The following SAMM50 variants were observed in gnomAD, a reference collection of about 807,000 sequenced individuals.
SAMM50 encodes the protein SAMM50 sorting and assembly machinery component, also known as sorting and assembly machinery component 50 homolog.
In SAMM50, 47 loss-of-function variants were observed where a neutral mutation model predicts 66.9. The ratio of observed to expected loss-of-function variants is 0.70; its 90% CI spans 0.56 to 0.90. SAMM50 has a LOEUF of 0.90. Among genes scored for constraint, SAMM50 ranks in the 40% least tolerant of loss-of-function variants. The pLI is 0.00. For synonymous variants in SAMM50, 191 were observed against 214.1 expected (o/e 0.89, Z 0.94); for missense variants, 535 against 595.3 (o/e 0.90, Z 1.05).
chr22:43,968,746 C>G lies in SAMM50; in HGVS notation c.250C>G (p.His84Asp). 1.9e-6 allele frequency: 3 copies of G among 1,612,188 alleles called. No homozygotes were observed. The highest frequency in any genetic ancestry group is 2.5e-6 in the Non-Finnish European group (3 of 1,178,252). Residue 84 changes from histidine to aspartate, a missense_variant, in exon 4 of 15, where the codon CAT becomes GAT. By Grantham distance (81) the His-to-Asp change is moderately conservative. Transcript: ENST00000350028. Reference protein sequence around the residue: ...KNLIEVMRKSHEAREKLLRLG... With the variant: ...KNLIEVMRKSDEAREKLLRLG... Reference sequence around the variant, plus strand: ...CATTTTATAGGTAATGCGGAAATCTCATGAAGCCCGTGAAAAATTGCTCCG... The same window carrying G: ...CATTTTATAGGTAATGCGGAAATCTGATGAAGCCCGTGAAAAATTGCTCCG...
intron 13 of SAMM50, among the ~76,000 whole-genome samples, chr22:43,989,478 A>G (rs893087913): frequency 6.6e-5 from 10 of 152,048 alleles, no homozygotes; most frequent in Admixed American, 2.6e-4. Flanking sequence ...CTGGGACTAC[A>G]GGCGCGTGCC....
chr22:43,980,328 A>G (rs1206780418), intron 10 of SAMM50, among the ~76,000 whole-genome samples: 2 of 147,284 alleles, frequency 1.4e-5, no homozygotes, highest in Non-Finnish European at 3.0e-5. Flanking sequence ...GTATCTTTAT[A>G]TATCATTGAG....
At chr22:43,989,300 T>A in intron 13 of SAMM50, 43 bp downstream of exon 13, 3 of 1,607,340 alleles carry the variant, frequency 1.9e-6, no homozygotes, top group Non-Finnish European at 2.6e-6. Context: ...GTACAGTTGT[T>A]TTCATGTTTA....
intron 1 of SAMM50, 141 bp downstream of exon 1, chr22:43,955,739 C>A (rs2050115847): frequency 1.1e-6 from 1 of 887,280 alleles, no homozygotes; most frequent in East Asian, 2.7e-5. Context: ...GTGGAGGAGG[C>A]CGAAAAGAGG....
At chr22:43,960,019 G>A (rs1252508437) in intron 1 of SAMM50, among the ~76,000 whole-genome samples, 1 of 152,140 alleles carries the variant, frequency 6.6e-6, no homozygotes, top group Admixed American at 6.6e-5. Context: ...GATGGACCTG[G>A]AAGATCTTTG....
chr22:43,990,175 A>C (rs2050315553), intron 13 of SAMM50, 90 bp from the exon 14 acceptor site: 1 of 1,510,310 alleles, frequency 6.6e-7, no homozygotes, highest in East Asian at 2.3e-5. Flanking sequence ...TGCAGGGCCC[A>C]GCCAGGGGGA....
intron 4 of SAMM50, among the ~76,000 whole-genome samples, chr22:43,969,494 C>T (rs907718485): frequency 5.3e-5 from 8 of 152,098 alleles, no homozygotes; most frequent in South Asian, 2.1e-4. Flanking sequence ...GAAGGGGCTT[C>T]GGTCAGTGGG....
At chr22:43,962,254 G>A (rs1247945979) in intron 1 of SAMM50, among the ~76,000 whole-genome samples, 2 of 152,228 alleles carry the variant, frequency 1.3e-5, no homozygotes, top group African/African-American at 4.8e-5. Context: ...CTTGAGTACT[G>A]TAAGTGAAAA....
At chr22:43,973,397 A>G (rs1211997349) in intron 7 of SAMM50, 74 bp downstream of exon 7, 1 of 882,000 alleles carries the variant, frequency 1.1e-6, no homozygotes, top group Non-Finnish European at 1.9e-6. Flanking sequence ...TCCCAAAGGC[A>G]GCAAGAGGGC....
At chr22:43,967,531 G>T (rs913123323) in intron 3 of SAMM50, among the ~76,000 whole-genome samples, 1 of 152,182 alleles carries the variant, frequency 6.6e-6, no homozygotes, top group African/African-American at 2.4e-5. Context: ...TGTCTCCAGG[G>T]TCTGTCCTCC....
intron 1 of SAMM50, among the ~76,000 whole-genome samples, chr22:43,956,514 T>C (rs912588945): frequency 6.6e-6 from 1 of 152,220 alleles, no homozygotes; most frequent in African/African-American, 2.4e-5. Flanking sequence ...TTTGTGTAAC[T>C]GTAATAGGTC....
intron 12 of SAMM50, among the ~76,000 whole-genome samples, chr22:43,984,752 C>A (rs2050283271): frequency 6.6e-6 from 1 of 152,160 alleles, no homozygotes; most frequent in Non-Finnish European, 1.5e-5. Flanking sequence ...CCTCAGCCCC[C>A]TGAGTAGCTG....
intron 3 of SAMM50, among the ~76,000 whole-genome samples, chr22:43,965,106 G>T (rs1324220742): frequency 2.7e-5 from 4 of 150,406 alleles, no homozygotes; most frequent in Non-Finnish European, 4.4e-5. Flanking sequence ...TTGTGGCCGG[G>T]TCCAGCTGGC....
At position 43,976,826 on chromosome 22, in the gene SAMM50, T is replaced by C. The variant is rs777972720; in HGVS notation, c.849+5T>C. The C allele has an allele frequency of 4.4e-6, 7 of 1,607,244 alleles. No homozygotes were observed. The highest frequency in any genetic ancestry group is 3.4e-5 in the Admixed American group (2 of 59,668). On this transcript the variant is annotated splice_donor_5th_base_variant and intron_variant, in intron 9 of 14. Coordinates refer to ENST00000350028, the MANE Select transcript of SAMM50 (RefSeq NM_015380.5). ...GCTTTGCTGAAAGTTAACCAGGTAG[T>C]GTTGTTTCACCTGTGACCCCTGCAG... is the stretch of plus-strand genomic sequence containing the variant.
At chr22:43,992,172 C>T (rs925540220) in intron 14 of SAMM50, among the ~76,000 whole-genome samples, 14 of 152,328 alleles carry the variant, frequency 9.2e-5, no homozygotes, top group Admixed American at 7.8e-4. Context: ...AATGCTGTAT[C>T]ATTTTTACTC....
rs561440752 is a variant in SAMM50, at chr22:43,963,544, C to T, written c.132+148C>T. 8.7e-6 allele frequency: 4 copies of T among 462,106 alleles called. No homozygotes were observed. The East Asian group carries it at 1.0e-4, about 12-fold the overall frequency. The allele number at this position is 462,106 out of a possible 1,614,324, so 28.6% of individuals were successfully genotyped here. ...CACCTACAACTAGAAAAACTGATGA[C>T]TCTTAGAAAAACAGTTTCTATTTTT... On this transcript the variant is annotated intron_variant, in intron 2 of 14. Transcript: ENST00000350028.
intron 10 of SAMM50, among the ~76,000 whole-genome samples, chr22:43,979,876 C>T (rs1257186028): frequency 1.3e-5 from 2 of 151,544 alleles, no homozygotes; most frequent in African/African-American, 4.9e-5. Flanking sequence ...CTGTCTGCCG[C>T]TGGCTGTAAC....
chr22:43,968,243 A>G (rs1026506294), intron 3 of SAMM50, among the ~76,000 whole-genome samples: 24 of 147,074 alleles, frequency 1.6e-4, no homozygotes, highest in Middle Eastern at 3.5e-3. Context: ...AAAAAAAAAA[A>G]AAAAGAAAAA....
Position 43,964,470 on chromosome 22 carries a change from C to T in SAMM50, c.151C>T (p.His51Tyr). 6.2e-7 allele frequency: 1 copy of T among 1,608,692 alleles called. No individual in the cohort carries two copies. The highest frequency in any genetic ancestry group is 8.5e-7 in the Non-Finnish European group (1 of 1,175,312). ...ENKDVVVQHV[H>Y]FDGLGRTKDD... ...CTTTTAGGTGGTTGTTCAACATGTT[C>T]ATTTTGATGGACTTGGAAGGACTAA... is the stretch of plus-strand genomic sequence containing the variant. Residue 51 changes from histidine to tyrosine, a missense_variant, in exon 3 of 15, where the codon CAT becomes TAT. By Grantham distance (83) the His-to-Tyr change is moderately conservative (BLOSUM62 2). Transcript: ENST00000350028.
Sources: allele counts gnomAD v4.1 joint callset (sites outside exome capture counted in the v4.1 genomes callset), GRCh38; gene constraint gnomAD v4.1.1; transcripts MANE v1.5; gene names NCBI Gene and HGNC (gene_info 2026-07-23, HGNC 2026-07-21).